Variants in PYHIN1 observed in about 807,000 individuals in gnomAD.
PYHIN1 encodes the protein pyrin and HIN domain-containing protein 1.
PYHIN1 carries 32 observed loss-of-function variants against 43.7 expected under a neutral mutation model. That is an observed-to-expected ratio of 0.73 (90% CI 0.55 to 0.98). PYHIN1 has a LOEUF of 0.98. PYHIN1 is among the 50% of genes least tolerant of loss of function. The pLI, the probability that PYHIN1 is intolerant of heterozygous loss-of-function variation, is 0.00. For synonymous variants in PYHIN1, 205 were observed against 203.1 expected (o/e 1.01, Z -0.08); for missense variants, 588 against 589.5 (o/e 1.00, Z 0.03).
At chr1:158,986,771 C>T in the PYHIN1 span, among the ~76,000 whole-genome samples, 1 of 152,150 alleles carries the variant, frequency 6.6e-6, no homozygotes, top group Non-Finnish European at 1.5e-5. Context: ...GTCCATGCTC[C>T]ACTGCAGCCA....
At chr1:158,957,099 A>G (rs1300727373) in intron 7 of PYHIN1, among the ~76,000 whole-genome samples, 1 of 145,760 alleles carries the variant, frequency 6.9e-6, no homozygotes, top group African/African-American at 2.6e-5. Flanking sequence ...TCAAGGAAAT[A>G]AAAGAGGATA....
At chr1:158,965,964 A>G (rs1489062086) in intron 7 of PYHIN1, among the ~76,000 whole-genome samples, 3 of 151,932 alleles carry the variant, frequency 2.0e-5, no homozygotes, top group Non-Finnish European at 4.4e-5. Flanking sequence ...TCTGTTGAAA[A>G]AATTAATAAG....
chr1:158,948,077 T>A (rs1018990545), intron 7 of PYHIN1, among the ~76,000 whole-genome samples: 1 of 152,204 alleles, frequency 6.6e-6, no homozygotes, highest in African/African-American at 2.4e-5. Flanking sequence ...GTTTTCTGCA[T>A]CAGGTTCTCT....
At chr1:158,984,471 G>T in the PYHIN1 span, among the ~76,000 whole-genome samples, 22 of 152,136 alleles carry the variant, frequency 1.4e-4, no homozygotes, top group South Asian at 4.6e-3. Flanking sequence ...GATCTTCTTG[G>T]TATTGATTTG....
intron 5 of PYHIN1, among the ~76,000 whole-genome samples, chr1:158,942,921 A>C (rs1009370702): frequency 6.6e-6 from 1 of 152,204 alleles, no homozygotes; most frequent in African/African-American, 2.4e-5. Flanking sequence ...TGCATTCATC[A>C]AAAAGTATTG....
chr1:158,938,329 T>C (rs746947046), intron 2 of PYHIN1, 68 bp from the exon 3 acceptor site: 20 of 1,545,326 alleles, frequency 1.3e-5, no homozygotes, highest in Admixed American at 8.5e-5. Flanking sequence ...GCAAATAGTA[T>C]TGAAACTGCT....
intron 7 of PYHIN1, among the ~76,000 whole-genome samples, chr1:158,960,571 C>G (rs1224867327): frequency 6.6e-6 from 1 of 152,184 alleles, no homozygotes; most frequent in Non-Finnish European, 1.5e-5. Context: ...CAACTACTTA[C>G]TTATGGCTCA....
At chr1:158,953,374 G>C (rs1036246865) in intron 7 of PYHIN1, among the ~76,000 whole-genome samples, 1 of 150,808 alleles carries the variant, frequency 6.6e-6, no homozygotes, top group African/African-American at 2.4e-5. Context: ...GAAGAGAGCA[G>C]TGGTTCTCCC....
Position 158,936,955 on chromosome 1 carries a change from G to T in PYHIN1, c.45G>T (p.Glu15Asp). The change falls in exon 2 of 9, where the codon GAG becomes GAT. Residue 15 changes from glutamate (E) to aspartate (D), a missense_variant. Glu to Asp is a conservative substitution (Grantham distance 45). Coordinates refer to ENST00000368140, the MANE Select transcript of PYHIN1 (RefSeq NM_152501.5). The part of the protein sequence containing the change: ...YKKIVLLKGL[E>D]VINDYHFRIV... ...AAATTGTTCTACTGAAAGGATTAGA[G>T]GTCATCAATGATTATCATTTTAGAA... is the stretch of plus-strand genomic sequence containing the variant. The T allele has an allele frequency of 6.2e-7, 1 of 1,610,844 alleles. No individual in the cohort carries two copies. The highest frequency in any genetic ancestry group is 8.5e-7 in the Non-Finnish European group (1 of 1,178,116).
At position 158,942,294 on chromosome 1, in the gene PYHIN1, G is replaced by C. The variant is rs146874992; in HGVS notation, c.897G>C (p.Glu299Asp). 6.2e-7 allele frequency: 1 copy of C among 1,614,002 alleles called. No homozygotes were observed. The highest frequency in any genetic ancestry group is 8.5e-7 in the Non-Finnish European group (1 of 1,179,936). Residue 299 changes from glutamate (E) to aspartate (D), a missense_variant, in exon 5 of 9, where the codon GAG (glutamate) becomes GAC (aspartate). Transcript: ENST00000368140. Reference sequence around the variant, plus strand: ...AAGCTGGTCCTGACCAAACGTTTGAGGTTCCAAAGGACATCATCAGAAGAG... The same window carrying C: ...AAGCTGGTCCTGACCAAACGTTTGACGTTCCAAAGGACATCATCAGAAGAG... ...VSEAGPDQTF[E>D]VPKDIIRRAK...
chr1:158,984,881 T>C, the PYHIN1 span, among the ~76,000 whole-genome samples: 1 of 152,166 alleles, frequency 6.6e-6, no homozygotes, highest in Non-Finnish European at 1.5e-5. Context: ...GTTTGTAGAA[T>C]TGAACTTTTT....
Position 158,933,101 on chromosome 1 carries a change from A to G in PYHIN1, c.-21+1325A>G, listed in dbSNP as rs1436458460. On this transcript the variant is annotated intron_variant, in intron 1 of 8. Transcript: ENST00000368140. The surrounding 1 kb of genome is among the most constrained non-coding windows in gnomAD (Gnocchi z 6.3). ...ATAATATAGAACCTCCTATTATAAGACGGTATTTTCTTGTACTCCTCTCAA... is the reference window on the plus strand; with the variant it reads ...ATAATATAGAACCTCCTATTATAAGGCGGTATTTTCTTGTACTCCTCTCAA... 6.6e-6 allele frequency among the ~76,000 whole-genome samples: 1 copy of G among 151,824 alleles called. No homozygotes were observed. Among genetic ancestry groups the G allele is most frequent in the Non-Finnish European group, 1.5e-5 (1 of 67,848 alleles).
At chr1:158,938,609 C>A in intron 3 of PYHIN1, 67 bp downstream of exon 3, 1 of 1,524,150 alleles carries the variant, frequency 6.6e-7, no homozygotes. Flanking sequence ...CTGTTCCACT[C>A]AATCTGTCCA....
intron 7 of PYHIN1, among the ~76,000 whole-genome samples, chr1:158,955,312 C>T (rs1002665564): frequency 1.3e-5 from 2 of 151,334 alleles, no homozygotes; most frequent in African/African-American, 2.4e-5. Flanking sequence ...TTTTTCAGCA[C>T]CACACCACAC....
Position 158,936,397 on chromosome 1 carries a change from C to A in PYHIN1, c.-20-494C>A, listed in dbSNP as rs556350942. On this transcript the variant is annotated intron_variant, in intron 1 of 8. Transcript: ENST00000368140. ...ATACCAAAGCTTGGCAGAGACACAACAAAAAAAAGAGAATTTTAGACCAAT... is the reference window on the plus strand; with the variant it reads ...ATACCAAAGCTTGGCAGAGACACAAAAAAAAAAAGAGAATTTTAGACCAAT... Among the ~76,000 whole-genome samples, 249 of 150,852 alleles carry A rather than the reference C, an allele frequency of 1.7e-3. 1 individual carries two copies. The highest frequency in any genetic ancestry group is 5.9e-3 in the African/African-American group (241 of 41,062).
chr1:158,982,804 C>T, the PYHIN1 span, among the ~76,000 whole-genome samples: 1 of 152,080 alleles, frequency 6.6e-6, no homozygotes, highest in Non-Finnish European at 1.5e-5. Context: ...TTTGTATCAT[C>T]TCTAATTTCT....
At chr1:158,947,916 G>A (rs750645376) in intron 7 of PYHIN1, among the ~76,000 whole-genome samples, 28 of 152,202 alleles carry the variant, frequency 1.8e-4, no homozygotes, top group Non-Finnish European at 3.2e-4. Context: ...ATTTACTCAA[G>A]GTAAGGATTA....
At chr1:158,959,902 T>C (rs1390580634) in intron 7 of PYHIN1, among the ~76,000 whole-genome samples, 2 of 152,034 alleles carry the variant, frequency 1.3e-5, no homozygotes, top group African/African-American at 2.4e-5. Flanking sequence ...TCCTCTGACA[T>C]GATGGGGTAC....
chr1:158,971,263 G>T (rs1426846291), intron 7 of PYHIN1, among the ~76,000 whole-genome samples: 1 of 151,850 alleles, frequency 6.6e-6, no homozygotes, highest in Admixed American at 6.6e-5. Context: ...AAATAGAAAT[G>T]AATGAGAGTG....
Sources: gnomAD v4.1 joint callset for allele counts (sites outside exome capture counted in the v4.1 genomes callset) on GRCh38, gnomAD v4.1.1 for gene constraint, Gnocchi (gnomAD v3.1) non-coding constraint, MANE v1.5 for transcripts, NCBI Gene and HGNC (gene_info 2026-07-23, HGNC 2026-07-21) for gene names.